TBXAS1: variants seen among roughly 807,000 people sequenced by gnomAD.
TBXAS1 encodes thromboxane-A synthase.
TBXAS1 carries 48 observed loss-of-function variants against 60.7 expected under a neutral mutation model. That is an observed-to-expected ratio of 0.79 (90% CI 0.63 to 1.01). TBXAS1 has a LOEUF of 1.01. Ranked by LOEUF, TBXAS1 falls within the 50% of genes least tolerant of loss-of-function variation. The pLI is 0.00. For missense variants in TBXAS1, 685 were observed against 686.3 expected, an observed-to-expected ratio of 1.00 and a Z score of 0.02; for synonymous variants, 287 against 269.7, an observed-to-expected ratio of 1.06 and a Z score of -0.63.
At chr7:139,970,644 TTTA>T (rs1372048848) in intron 9 of TBXAS1, among the ~76,000 whole-genome samples, 1 of 152,228 alleles carries the variant, frequency 6.6e-6, no homozygotes, top group African/African-American at 2.4e-5. Context: ...TGGCATTCAC[TTTA>T]TTGAGTGGGA....
intron 1 of TBXAS1, among the ~76,000 whole-genome samples, chr7:139,854,490 A>G (rs1378201065): frequency 6.6e-6 from 1 of 152,140 alleles, no homozygotes; most frequent in Non-Finnish European, 1.5e-5. Context: ...TTCTTCTGGC[A>G]TTGGTGTGGA....
At chr7:140,019,904 TCTG>T (rs1003318110) in intron 12 of TBXAS1, 118 bp from the exon 13 acceptor site, 10 of 921,674 alleles carry the variant, frequency 1.1e-5, no homozygotes, top group Non-Finnish European at 1.6e-5. Context: ...GGCTTTGCTC[TCTG>T]CTTTCTTCTT....
intron 1 of TBXAS1, among the ~76,000 whole-genome samples, chr7:139,837,330 G>T (rs1437154905): frequency 2.0e-5 from 3 of 152,194 alleles, no homozygotes; most frequent in Non-Finnish European, 4.4e-5. Flanking sequence ...CAAAGGAAAA[G>T]AAGTCTTTAT....
intron 1 of TBXAS1, among the ~76,000 whole-genome samples, chr7:139,842,518 G>A (rs758304210): frequency 2.6e-5 from 4 of 152,194 alleles, no homozygotes; most frequent in African/African-American, 4.8e-5. Flanking sequence ...TTTGGTTGCC[G>A]GAATAACATG....
At chr7:139,859,601 A>G (rs1800828258) in intron 1 of TBXAS1, among the ~76,000 whole-genome samples, 1 of 152,206 alleles carries the variant, frequency 6.6e-6, no homozygotes, top group African/African-American at 2.4e-5. Context: ...CAATTTATCT[A>G]AAAGAAATTG....
chr7:139,933,304 A>C (rs934035256), intron 4 of TBXAS1, among the ~76,000 whole-genome samples: 1 of 152,214 alleles, frequency 6.6e-6, no homozygotes. Context: ...GATAGGTACG[A>C]GATCCAATCA....
At chr7:139,822,692 G>A (rs116324361) in intron 4 of TBXAS1, among the ~76,000 whole-genome samples, 33 of 152,156 alleles carry the variant, frequency 2.2e-4, no homozygotes, top group African/African-American at 7.7e-4. Flanking sequence ...GATCCTTGAC[G>A]TCCCCCTCTT....
intron 1 of TBXAS1, among the ~76,000 whole-genome samples, chr7:139,868,652 AT>A (rs71170918): frequency 0.026 from 2,748 of 105,026 alleles, 56 homozygotes; most frequent in African/African-American, 0.069. Context: ...CCTGGCTAAT[AT>A]TTTTTTTTTT....
upstream of TBXAS1, among the ~76,000 whole-genome samples, chr7:139,825,337 C>T (rs953439193): frequency 2.0e-5 from 3 of 152,150 alleles, no homozygotes; most frequent in Non-Finnish European, 2.9e-5. Context: ...CATTTCTTCC[C>T]TTCCACTCCA....
intron 9 of TBXAS1, among the ~76,000 whole-genome samples, chr7:139,986,039 T>C (rs2117556014): frequency 6.6e-6 from 1 of 152,300 alleles, no homozygotes; most frequent in African/African-American, 2.4e-5. Flanking sequence ...AACAAAGTGT[T>C]GGCCAGGCCC....
intron 9 of TBXAS1, among the ~76,000 whole-genome samples, chr7:139,976,053 G>A (rs1490846655): frequency 6.6e-6 from 1 of 152,154 alleles, no homozygotes; most frequent in East Asian, 1.9e-4. Flanking sequence ...CATCCCTCTG[G>A]GATTTTCCAC....
chr7:139,903,309 T>C (rs888720514), intron 3 of TBXAS1, among the ~76,000 whole-genome samples: 2 of 152,238 alleles, frequency 1.3e-5, no homozygotes, highest in East Asian at 3.9e-4. Flanking sequence ...TATTCCACCA[T>C]ACATATATAC....
intron 4 of TBXAS1, chr7:139,797,306 T>C (rs1018803627): frequency 6.6e-6 from 1 of 152,184 alleles, no homozygotes; most frequent in Non-Finnish European, 1.5e-5. Context: ...TTCAGTGTTG[T>C]GTGTTCAACT....
At chr7:139,982,943 T>C (rs1812070146) in intron 9 of TBXAS1, among the ~76,000 whole-genome samples, 1 of 152,190 alleles carries the variant, frequency 6.6e-6, no homozygotes, top group Non-Finnish European at 1.5e-5. Context: ...TCTGGTTTCC[T>C]TCCACCACTC....
At chr7:139,821,799 C>T (rs1390670297) in intron 4 of TBXAS1, among the ~76,000 whole-genome samples, 1 of 152,196 alleles carries the variant, frequency 6.6e-6, no homozygotes, top group Non-Finnish European at 1.5e-5. Context: ...CTGTCCAAAC[C>T]CCCTTTTCTC....
chr7:139,959,996 GA>G (rs1385228733), intron 8 of TBXAS1, among the ~76,000 whole-genome samples: 5 of 152,160 alleles, frequency 3.3e-5, no homozygotes, highest in Admixed American at 3.3e-4. Flanking sequence ...GGAAGCTGGG[GA>G]AAGCCAGCCC....
chr7:139,797,840 C>G (rs1797612376), intron 4 of TBXAS1, among the ~76,000 whole-genome samples: 1 of 152,188 alleles, frequency 6.6e-6, no homozygotes, highest in African/African-American at 2.4e-5. Context: ...TCCTTGGACC[C>G]CAGCCATGGA....
intron 1 of TBXAS1, among the ~76,000 whole-genome samples, chr7:139,842,467 G>T (rs557132599): frequency 1.3e-5 from 2 of 152,154 alleles, no homozygotes; most frequent in Non-Finnish European, 2.9e-5. Context: ...AGGGAAGTAC[G>T]CGGTCTATGG....
intron 4 of TBXAS1, among the ~76,000 whole-genome samples, chr7:139,918,752 T>G (rs1260841719): frequency 6.6e-6 from 1 of 152,068 alleles, no homozygotes; most frequent in Non-Finnish European, 1.5e-5. Context: ...AGAGCCCAAA[T>G]TTGTTTTTAG....
Sources: gnomAD v4.1 joint callset for allele counts (sites outside exome capture counted in the v4.1 genomes callset) on GRCh38, gnomAD v4.1.1 for gene constraint, MANE v1.5 for transcripts, NCBI Gene and HGNC (gene_info 2026-07-23, HGNC 2026-07-21) for gene names.